IQCM: variants seen among roughly 807,000 people sequenced by gnomAD.
IQCM encodes IQ motif containing M, also known as IQ domain-containing protein M.
In IQCM, 45 loss-of-function variants were observed where a neutral mutation model predicts 57.6. That is an observed-to-expected ratio of 0.78 (90% CI 0.62 to 1.00). IQCM has a LOEUF of 1.00. Ranked by LOEUF, IQCM falls within the 50% of genes least tolerant of loss-of-function variation. The pLI, the probability that IQCM is intolerant of heterozygous loss-of-function variation, is 0.00. For synonymous variants in IQCM, 148 were observed against 158.9 expected (o/e 0.93, Z 0.51); for missense variants, 468 against 511.6 (o/e 0.91, Z 0.82).
chr4:149,774,663 T>C (rs1429643300), intron 2 of IQCM, among the ~76,000 whole-genome samples: 1 of 151,660 alleles, frequency 6.6e-6, no homozygotes, highest in Non-Finnish European at 1.5e-5. Flanking sequence ...CTTGGGGACG[T>C]CCTCTTCCAG....
intron 13 of IQCM, among the ~76,000 whole-genome samples, chr4:149,409,790 C>T (rs919880035): frequency 6.6e-6 from 1 of 152,152 alleles, no homozygotes; most frequent in Non-Finnish European, 1.5e-5. Context: ...AGCAGTAGCA[C>T]AGAGAGGATA....
At chr4:149,773,423 C>A (rs544591113) in intron 2 of IQCM, among the ~76,000 whole-genome samples, 1 of 151,878 alleles carries the variant, frequency 6.6e-6, no homozygotes, top group Non-Finnish European at 1.5e-5. Flanking sequence ...GCCCACATGA[C>A]AACCAGTTTG....
chr4:149,613,013 C>T (rs1241579331), intron 8 of IQCM, among the ~76,000 whole-genome samples: 3 of 151,900 alleles, frequency 2.0e-5, no homozygotes, highest in Non-Finnish European at 4.4e-5. Context: ...TATTTCTAAA[C>T]AAAATGACCC....
At chr4:149,752,554 A>G (rs908093926) in intron 2 of IQCM, among the ~76,000 whole-genome samples, 3 of 151,814 alleles carry the variant, frequency 2.0e-5, no homozygotes, top group African/African-American at 7.3e-5. Flanking sequence ...CTGTCTTAAA[A>G]AAAAAAAAAA....
chr4:149,517,762 G>A (rs920866258), intron 12 of IQCM, among the ~76,000 whole-genome samples: 2 of 152,152 alleles, frequency 1.3e-5, no homozygotes, highest in Admixed American at 1.3e-4. Context: ...AGAAAAATGT[G>A]AAAAGGCTAG....
At chr4:149,357,343 C>T (rs1331793624) in intron 13 of IQCM, among the ~76,000 whole-genome samples, 2 of 152,120 alleles carry the variant, frequency 1.3e-5, no homozygotes. Context: ...AGGAATGCTT[C>T]CAGTTTTTGT....
chr4:149,388,023 A>G (rs1431646432), intron 13 of IQCM, among the ~76,000 whole-genome samples: 1 of 151,994 alleles, frequency 6.6e-6, no homozygotes, highest in Non-Finnish European at 1.5e-5. Context: ...ATACTCCATC[A>G]TTTTGATTGC....
At chr4:149,782,544 T>C (rs1038155434) in intron 2 of IQCM, among the ~76,000 whole-genome samples, 5 of 149,922 alleles carry the variant, frequency 3.3e-5, no homozygotes, top group Non-Finnish European at 5.9e-5. Context: ...CAGGCTGCAA[T>C]GAGCTATGAT....
At chr4:149,392,051 C>T (rs1674686718) in intron 13 of IQCM, among the ~76,000 whole-genome samples, 1 of 150,786 alleles carries the variant, frequency 6.6e-6, no homozygotes, top group Admixed American at 6.6e-5. Context: ...GCTGTCTACC[C>T]ACTACTGAAA....
intron 12 of IQCM, among the ~76,000 whole-genome samples, chr4:149,475,341 T>C (rs1163436015): frequency 6.6e-6 from 1 of 152,122 alleles, no homozygotes; most frequent in Non-Finnish European, 1.5e-5. Context: ...GGAGTTGTCA[T>C]TAACTAAGAT....
rs1377149096 is a variant in IQCM at position 149,650,467 on chromosome 4, A to T, written c.566-29223T>A. Among the ~76,000 whole-genome samples, 3 of 142,314 alleles carry T rather than the reference A, an allele frequency of 2.1e-5. No individual in the cohort carries two copies. The Admixed American group carries it at 2.3e-4, about 11-fold the overall frequency. 93.4% of individuals were successfully genotyped at this position (142,314 alleles called of 152,430 possible). A position where few individuals can be genotyped will look rare whatever the true frequency, so the allele number is the denominator to read the frequency against. ...GAGTGCAGTGGCGTGATCTTGGTTC[A>T]CTGCAATCTCCACCTCCCGGAATCA... On this transcript the variant is annotated intron_variant, in intron 7 of 13. Coordinates refer to ENST00000636793, the MANE Select transcript of IQCM (RefSeq NM_001363507.2).
At chr4:149,767,598 A>G (rs893079562) in intron 2 of IQCM, among the ~76,000 whole-genome samples, 1 of 152,210 alleles carries the variant, frequency 6.6e-6, no homozygotes, top group Non-Finnish European at 1.5e-5. Context: ...TTGGAGGATA[A>G]TATTTCCTGA....
rs75756541 is a variant in IQCM, at chr4:149,677,469, T to A, written c.565+4649A>T. On this transcript the variant is annotated intron_variant, in intron 7 of 13. Transcript: ENST00000636793. The stretch of plus-strand genomic sequence containing the variant: ...AGACAAATCTGGGCTTAAGGTGCCA[T>A]CTAGAACTGAAAAGGAGGCAGTTGC... 6.4e-4 allele frequency among the ~76,000 whole-genome samples: 98 copies of A among 152,118 alleles called. 1 individual carries two copies. The East Asian group carries it at 0.018, about 29-fold the overall frequency.
intron 7 of IQCM, among the ~76,000 whole-genome samples, chr4:149,676,476 C>G (rs1761759547): frequency 6.6e-6 from 1 of 151,930 alleles, no homozygotes; most frequent in Non-Finnish European, 1.5e-5. Flanking sequence ...TATTAAGCAC[C>G]AGGAGGTACA....
At chr4:149,775,371 A>C (rs1335529156) in intron 2 of IQCM, among the ~76,000 whole-genome samples, 1 of 152,220 alleles carries the variant, frequency 6.6e-6, no homozygotes, top group African/African-American at 2.4e-5. Context: ...TCCAGTAAAT[A>C]CTTAGCAAAG....
At chr4:149,644,432 A>G (rs1416733770) in intron 7 of IQCM, among the ~76,000 whole-genome samples, 3 of 152,196 alleles carry the variant, frequency 2.0e-5, no homozygotes, top group African/African-American at 7.2e-5. Flanking sequence ...AATTTGATCT[A>G]CCAAAATACT....
At chr4:149,530,458 C>T (rs1028793904) in intron 12 of IQCM, among the ~76,000 whole-genome samples, 1 of 152,040 alleles carries the variant, frequency 6.6e-6, no homozygotes, top group African/African-American at 2.4e-5. Flanking sequence ...ACCAGGAAAG[C>T]AATCTCTGTG....
At chr4:149,721,779 A>G (rs933282851) in intron 5 of IQCM, among the ~76,000 whole-genome samples, 1 of 152,062 alleles carries the variant, frequency 6.6e-6, no homozygotes, top group Non-Finnish European at 1.5e-5. Flanking sequence ...TTCTTTATAA[A>G]ATGACTTCTT....
rs1275469935 is a variant in IQCM at position 149,499,971 on chromosome 4, T to C, written c.1228+48484A>G. Among the ~76,000 whole-genome samples, 3 of 152,208 alleles carry C rather than the reference T, an allele frequency of 2.0e-5. 1 individual carries two copies. The highest frequency in any genetic ancestry group is 4.4e-5 in the Non-Finnish European group (3 of 68,032). Reference sequence around the variant, plus strand: ...CAACAACTTCCTATAATGCACTCCATTGTAAGAATACATAGGTCTCTTTCC... The same window carrying C: ...CAACAACTTCCTATAATGCACTCCACTGTAAGAATACATAGGTCTCTTTCC... On this transcript the variant is annotated intron_variant, in intron 12 of 13. Coordinates refer to ENST00000636793, the MANE Select transcript of IQCM (RefSeq NM_001363507.2).
Sources: allele counts gnomAD v4.1 joint callset (sites outside exome capture counted in the v4.1 genomes callset), GRCh38; gene constraint gnomAD v4.1.1; transcripts MANE v1.5; gene names NCBI Gene and HGNC (gene_info 2026-07-23, HGNC 2026-07-21).